Variants in TTBK2 observed in about 807,000 individuals in gnomAD.
TTBK2 encodes the protein tau-tubulin kinase 2.
TTBK2 carries 28 observed loss-of-function variants against 110.8 expected under a neutral mutation model. The observed-to-expected ratio is 0.25, with a 90% CI of 0.19 to 0.35. The LOEUF (loss-of-function observed/expected upper bound fraction) is 0.35. Among genes scored for constraint, TTBK2 ranks in the 10% least tolerant of loss-of-function variants. The pLI is 1.00. For missense variants in TTBK2, 1,369 were observed against 1,500.3 expected, an observed-to-expected ratio of 0.91 and a Z score of 1.45; for synonymous variants, 532 against 527.3, an observed-to-expected ratio of 1.01 and a Z score of -0.12.
intron 4 of TTBK2, among the ~76,000 whole-genome samples, chr15:42,830,297 C>T (rs752147233): frequency 1.1e-4 from 16 of 152,006 alleles, no homozygotes; most frequent in South Asian, 4.2e-4. Context: ...AAGCGATTCT[C>T]CTGCTTCAGC....
At chr15:42,912,853 C>T (rs550730482) in intron 1 of TTBK2, among the ~76,000 whole-genome samples, 3 of 151,590 alleles carry the variant, frequency 2.0e-5, no homozygotes, top group East Asian at 2.0e-4. Flanking sequence ...AGGCCGGGCG[C>T]GGTGGCTCAC....
intron 9 of TTBK2, chr15:42,801,508 A>T: frequency 2.6e-6 from 2 of 769,490 alleles, no homozygotes; most frequent in Admixed American, 3.4e-5. Flanking sequence ...CAGTCTTTGC[A>T]CACCACAGGT....
At chr15:42,915,011 C>T (rs2031001169) in intron 1 of TTBK2, among the ~76,000 whole-genome samples, 1 of 152,230 alleles carries the variant, frequency 6.6e-6, no homozygotes. Context: ...ACCCCTAGCA[C>T]AGTAACATGG....
intron 10 of TTBK2, among the ~76,000 whole-genome samples, chr15:42,785,926 G>A (rs1295577607): frequency 6.6e-6 from 1 of 152,122 alleles, no homozygotes; most frequent in Non-Finnish European, 1.5e-5. Context: ...GTCACAGTTA[G>A]ATCCTGGCAC....
intron 1 of TTBK2, among the ~76,000 whole-genome samples, chr15:42,885,782 CTTCCACCCTCCA>C (rs1179910655): frequency 6.6e-6 from 1 of 152,104 alleles, no homozygotes; most frequent in Non-Finnish European, 1.5e-5. Flanking sequence ...TATGGGCAAC[CTTCCACCCTCCA>C]TTCCTCCTTC....
At chr15:42,810,563 A>G (rs765522604) in intron 9 of TTBK2, 51 bp downstream of exon 9, 4 of 1,609,416 alleles carry the variant, frequency 2.5e-6, no homozygotes, top group South Asian at 1.1e-5. Flanking sequence ...GAGTGAAAGC[A>G]TAGACTAAGA....
intron 10 of TTBK2, among the ~76,000 whole-genome samples, chr15:42,790,972 C>T (rs1567025221): frequency 6.6e-6 from 1 of 152,188 alleles, no homozygotes; most frequent in South Asian, 2.1e-4. Flanking sequence ...CAAGCTCCAC[C>T]TCCCGTGTTC....
chr15:42,752,358 G>A lies in TTBK2; in HGVS notation c.2888C>T (p.Ser963Phe). ...CTTTTGGAGGAGCTTTTCTTTTGCA[G>A]AAACTGGAGAGGATGATTCCAAAGT... is the stretch of plus-strand genomic sequence containing the variant. ...DSTLESSSPV[S>F]AKEKLLQKKA... The change falls in exon 14 of 15, where the codon TCT becomes TTT. Residue 963 changes from serine to phenylalanine, a missense_variant. Transcript: ENST00000267890. 4 of 1,614,228 alleles carry A rather than the reference G, an allele frequency of 2.5e-6. No individual in the cohort carries two copies. Among genetic ancestry groups the A allele is most frequent in the Non-Finnish European group, 3.4e-6 (4 of 1,180,044 alleles).
chr15:42,817,064 G>T lies in TTBK2; in HGVS notation c.571C>A (p.Arg191Ser), dbSNP rs563297091. Residue 191 changes from arginine to serine, a missense_variant, in exon 7 of 15, where the codon CGT (arginine) becomes AGT (serine). Around this residue, in one of 4 missense-constraint regions of TTBK2, gnomAD observed 138 missense variants for 179.0 expected, o/e 0.77. Transcript: ENST00000267890. ...RAVAGFRGTV[R>S]YASINAHRNR... ...CGATGTGCGTTGATTGATGCATAAC[G>T]AACTGTCCCTCGAAAACCTGCCACA... 1 of 1,607,370 alleles carries T rather than the reference G, an allele frequency of 6.2e-7. No homozygotes were observed. The highest frequency in any genetic ancestry group is 8.5e-7 in the Non-Finnish European group (1 of 1,176,106).
At chr15:42,891,457 A>C (rs1895452918) in intron 1 of TTBK2, among the ~76,000 whole-genome samples, 1 of 151,988 alleles carries the variant, frequency 6.6e-6, no homozygotes, top group African/African-American at 2.4e-5. Flanking sequence ...TACAGGCATG[A>C]GCCACTGTGC....
rs139397230 is a variant in TTBK2, at chr15:42,871,222, G to A, written c.217+1389C>T. 5.9e-5 allele frequency among the ~76,000 whole-genome samples: 9 copies of A among 152,202 alleles called. No homozygotes were observed. In the East Asian group the frequency reaches 1.7e-3, roughly 29 times the overall value. ...TGGAAAATGAAGGGTTCTTAAGAAT[G>A]GGATGTCATGTGGTTATAAGCAGAT... On this transcript the variant is annotated intron_variant, in intron 3 of 14. Coordinates refer to ENST00000267890, the MANE Select transcript of TTBK2 (RefSeq NM_173500.4).
intron 9 of TTBK2, among the ~76,000 whole-genome samples, chr15:42,796,660 T>C (rs1326173737): frequency 1.3e-5 from 2 of 152,240 alleles, no homozygotes; most frequent in Non-Finnish European, 2.9e-5. Flanking sequence ...TGTAAATGTA[T>C]AGTTATTTCT....
At chr15:42,889,527 G>A (rs940477527) in intron 1 of TTBK2, among the ~76,000 whole-genome samples, 2 of 152,060 alleles carry the variant, frequency 1.3e-5, no homozygotes, top group Non-Finnish European at 1.5e-5. Flanking sequence ...AAGGTAAAAC[G>A]GACTAATGGT....
intron 8 of TTBK2, 66 bp from the exon 9 acceptor site, chr15:42,810,805 C>G: frequency 6.3e-7 from 1 of 1,580,970 alleles, no homozygotes; most frequent in African/African-American, 1.3e-5. Context: ...AAGAGCCCCT[C>G]AGTAACCGTC....
chr15:42,848,946 T>C (rs1470181133), intron 3 of TTBK2, among the ~76,000 whole-genome samples: 1 of 152,202 alleles, frequency 6.6e-6, no homozygotes, highest in South Asian at 2.1e-4. Flanking sequence ...AACTCACTTA[T>C]TCTAGGAAGT....
intron 1 of TTBK2, among the ~76,000 whole-genome samples, chr15:42,918,456 A>T (rs1273240106): frequency 6.6e-6 from 1 of 152,050 alleles, no homozygotes; most frequent in Admixed American, 6.6e-5. Flanking sequence ...GTCTCTCATG[A>T]GTTGCAATCA....
intron 13 of TTBK2, among the ~76,000 whole-genome samples, chr15:42,769,621 G>A (rs1889566631): frequency 6.6e-6 from 1 of 152,218 alleles, no homozygotes; most frequent in African/African-American, 2.4e-5. Context: ...AGGTGCTGGA[G>A]AGGATGTGGA....
chr15:42,771,677 A>T (rs1463459535), intron 13 of TTBK2, among the ~76,000 whole-genome samples: 4 of 152,228 alleles, frequency 2.6e-5, no homozygotes, highest in Admixed American at 2.6e-4. Flanking sequence ...AGGTTATTAA[A>T]AATACTGCTA....
At chr15:42,880,813 A>T (rs1182402254) in intron 1 of TTBK2, among the ~76,000 whole-genome samples, 3 of 152,324 alleles carry the variant, frequency 2.0e-5, no homozygotes, top group South Asian at 2.1e-4. Context: ...AGAGACAAAA[A>T]TTTTTAAAAA....
Sources: gnomAD v4.1 joint callset for allele counts (sites outside exome capture counted in the v4.1 genomes callset) on GRCh38, gnomAD v4.1.1 for gene constraint, gnomAD v4.1.1 regional missense constraint, MANE v1.5 for transcripts, NCBI Gene and HGNC (gene_info 2026-07-23, HGNC 2026-07-21) for gene names.